Variants in SLC6A11 observed in about 807,000 individuals in gnomAD.
The protein encoded by SLC6A11 is solute carrier family 6 member 11, also known as sodium- and chloride-dependent GABA transporter 3.
SLC6A11 carries 25 observed loss-of-function variants against 74.8 expected under a neutral mutation model. The ratio of observed to expected loss-of-function variants is 0.33; its 90% CI spans 0.24 to 0.47. SLC6A11 has a LOEUF of 0.47. Among genes scored for constraint, SLC6A11 ranks in the 20% least tolerant of loss-of-function variants. The pLI, the probability that SLC6A11 is intolerant of heterozygous loss-of-function variation, is 1.00. For synonymous variants in SLC6A11, 330 were observed against 330.2 expected (o/e 1.00, Z 0.01); for missense variants, 574 against 837.0 (o/e 0.69, Z 3.88).
At position 10,913,491 on chromosome 3, in the gene SLC6A11, A is replaced by G. The variant is rs141704163; in HGVS notation, c.995+1298A>G. ...TTCTTTTGTTTAACTTTGAGTACGT[A>G]TTGCTTTTATAATTTTTAAAAAATT... On this transcript the variant is annotated intron_variant, in intron 7 of 13. Transcript: ENST00000254488. Among the ~76,000 whole-genome samples, 589 of 152,264 alleles carry G rather than the reference A, an allele frequency of 3.9e-3. 2 individuals carry two copies. Among genetic ancestry groups the G allele is most frequent in the Non-Finnish European group, 6.1e-3 (417 of 68,022 alleles).
chr3:10,858,320 A>T (rs1187809971), intron 5 of SLC6A11, among the ~76,000 whole-genome samples: 2 of 152,198 alleles, frequency 1.3e-5, no homozygotes, highest in Non-Finnish European at 2.9e-5. Context: ...TATGTAAAAC[A>T]GAGTTAGCTT....
intron 4 of SLC6A11, among the ~76,000 whole-genome samples, chr3:10,827,458 G>C (rs529509088): frequency 6.6e-6 from 1 of 152,150 alleles, no homozygotes. Flanking sequence ...TACTCTTCAA[G>C]TATTGGATCA....
At chr3:10,831,695 G>A (rs1354987127) in intron 4 of SLC6A11, among the ~76,000 whole-genome samples, 1 of 152,154 alleles carries the variant, frequency 6.6e-6, no homozygotes, top group Admixed American at 6.5e-5. Context: ...CTAGGAACAT[G>A]ATTATTTCAT....
Position 10,938,549 on chromosome 3 carries a change from ACACTGCT to A in SLC6A11, c.*149_*155del. ...AAGTTAATTTTAAGGTGGCCACTGT[ACACTGCT>A]CTAAAGTCATATCCCCTCCCCGCCC... On this transcript the variant is annotated 3_prime_UTR_variant, in exon 14 of 14. Transcript: ENST00000254488. 2.7e-6 allele frequency: 2 copies of A among 749,092 alleles called. No homozygotes were observed. The highest frequency in any genetic ancestry group is 4.1e-6 in the Non-Finnish European group (2 of 482,066). 46.4% of individuals were successfully genotyped at this position (749,092 alleles called of 1,614,324 possible).
chr3:10,891,023 T>C (rs1014547119), intron 6 of SLC6A11, among the ~76,000 whole-genome samples: 2 of 152,346 alleles, frequency 1.3e-5, no homozygotes, highest in East Asian at 1.9e-4. Flanking sequence ...CAATCCTTTC[T>C]AGCTCCCAGC....
At chr3:10,888,207 A>G (rs186626630) in intron 6 of SLC6A11, among the ~76,000 whole-genome samples, 1 of 152,326 alleles carries the variant, frequency 6.6e-6, no homozygotes, top group Non-Finnish European at 1.5e-5. Flanking sequence ...GTAAGCTTCT[A>G]GAGGAGAGAG....
At chr3:10,887,645 C>T (rs1695061139) in intron 6 of SLC6A11, among the ~76,000 whole-genome samples, 1 of 152,142 alleles carries the variant, frequency 6.6e-6, no homozygotes, top group African/African-American at 2.4e-5. Flanking sequence ...AGGGTTTCAC[C>T]ATGTTGGCCA....
chr3:10,922,798 G>C (rs1283485519), intron 8 of SLC6A11, among the ~76,000 whole-genome samples: 1 of 152,114 alleles, frequency 6.6e-6, no homozygotes, highest in Non-Finnish European at 1.5e-5. Flanking sequence ...CCATGCTAAA[G>C]GGAATGGGGA....
intron 4 of SLC6A11, among the ~76,000 whole-genome samples, chr3:10,834,406 T>C (rs1400396943): frequency 6.6e-6 from 1 of 150,628 alleles, no homozygotes; most frequent in East Asian, 2.0e-4. Context: ...GAGGAAGGGA[T>C]GAAGGAAGAA....
At chr3:10,847,665 A>G (rs1384561614) in intron 5 of SLC6A11, among the ~76,000 whole-genome samples, 1 of 152,174 alleles carries the variant, frequency 6.6e-6, no homozygotes, top group Non-Finnish European at 1.5e-5. Context: ...CCAGCTCGTT[A>G]TTAATGATGA....
chr3:10,831,191 T>A (rs970272830), intron 4 of SLC6A11, among the ~76,000 whole-genome samples: 1 of 152,176 alleles, frequency 6.6e-6, no homozygotes, highest in Non-Finnish European at 1.5e-5. Context: ...AGTCCCCATT[T>A]TTTTTTCTAA....
chr3:10,845,417 A>T (rs1280924757), intron 5 of SLC6A11, among the ~76,000 whole-genome samples: 1 of 152,128 alleles, frequency 6.6e-6, no homozygotes, highest in Non-Finnish European at 1.5e-5. Context: ...AGCGTCTCTC[A>T]TGCCTGGGTT....
At chr3:10,831,542 C>T (rs1306657860) in intron 4 of SLC6A11, among the ~76,000 whole-genome samples, 2 of 151,910 alleles carry the variant, frequency 1.3e-5, no homozygotes, top group African/African-American at 2.4e-5. Flanking sequence ...CCTTTATAAC[C>T]ATAAACCATG....
intron 6 of SLC6A11, among the ~76,000 whole-genome samples, chr3:10,904,114 T>C (rs764970241): frequency 5.9e-5 from 9 of 152,248 alleles, no homozygotes; most frequent in Non-Finnish European, 1.2e-4. Flanking sequence ...GTGCTATCCA[T>C]GTGGACTGGG....
chr3:10,937,465 T>C (rs943422213), intron 13 of SLC6A11, among the ~76,000 whole-genome samples: 1 of 152,198 alleles, frequency 6.6e-6, no homozygotes, highest in African/African-American at 2.4e-5. Flanking sequence ...ACCTCGATCC[T>C]GAGAAACCAG....
chr3:10,896,542 T>A (rs539141004), intron 6 of SLC6A11, among the ~76,000 whole-genome samples: 2 of 152,352 alleles, frequency 1.3e-5, no homozygotes, highest in African/African-American at 4.8e-5. Context: ...TTTTGTGAGA[T>A]TTTATACTTG....
chr3:10,906,680 T>C (rs758681279), intron 6 of SLC6A11, among the ~76,000 whole-genome samples: 2 of 152,158 alleles, frequency 1.3e-5, no homozygotes, highest in African/African-American at 2.4e-5. Context: ...CACTAACCAG[T>C]TGAGGCTTCA....
At chr3:10,873,663 CT>C (rs1407350122) in intron 5 of SLC6A11, among the ~76,000 whole-genome samples, 7 of 123,520 alleles carry the variant, frequency 5.7e-5, no homozygotes, top group African/African-American at 1.0e-4. Flanking sequence ...CTATCCCGTC[CT>C]ATCCTATCCT....
chr3:10,911,342 C>T (rs1489504833), intron 6 of SLC6A11, among the ~76,000 whole-genome samples: 2 of 152,152 alleles, frequency 1.3e-5, no homozygotes, highest in Non-Finnish European at 2.9e-5. Context: ...AAAGGGAGCC[C>T]GGGGAAAGTG....
Sources: allele counts gnomAD v4.1 joint callset (sites outside exome capture counted in the v4.1 genomes callset), GRCh38; gene constraint gnomAD v4.1.1; transcripts MANE v1.5; gene names NCBI Gene and HGNC (gene_info 2026-07-23, HGNC 2026-07-21).